PRKAG2: variants seen among roughly 807,000 people sequenced by gnomAD.
PRKAG2 encodes the protein protein kinase AMP-activated non-catalytic subunit gamma 2.
Under a neutral mutation model 69.6 loss-of-function variants are expected in PRKAG2, and 26 were observed. The observed-to-expected ratio is 0.37, with a 90% CI of 0.27 to 0.52. PRKAG2 has a LOEUF of 0.52. Among genes scored for constraint, PRKAG2 ranks in the 20% least tolerant of loss-of-function variants. The probability of loss-of-function intolerance (pLI) is 0.90; values close to 1 mark genes in which losing one functional copy is unlikely to be tolerated. For missense variants in PRKAG2, 557 were observed against 740.0 expected, an observed-to-expected ratio of 0.75 and a Z score of 2.87; for synonymous variants, 293 against 285.0, an observed-to-expected ratio of 1.03 and a Z score of -0.28.
At chr7:151,568,609 A>G in intron 11 of PRKAG2, 107 bp downstream of exon 11, 1 of 1,290,672 alleles carries the variant, frequency 7.7e-7, no homozygotes. Flanking sequence ...GGAGACCTCA[A>G]AACTAACAAT....
chr7:151,872,292 G>A (rs146179327), intron 1 of PRKAG2, among the ~76,000 whole-genome samples: 90 of 152,322 alleles, frequency 5.9e-4, no homozygotes, highest in African/African-American at 2.0e-3. Context: ...CCCTGGGGGG[G>A]GGCTTTTGCC....
At chr7:151,791,411 T>G (rs748936084) in intron 1 of PRKAG2, among the ~76,000 whole-genome samples, 5 of 152,214 alleles carry the variant, frequency 3.3e-5, no homozygotes, top group Non-Finnish European at 7.3e-5. Context: ...TCCCCACCAC[T>G]GGTCTCTACT....
intron 3 of PRKAG2, among the ~76,000 whole-genome samples, chr7:151,720,269 G>A (rs1796837156): frequency 6.6e-6 from 1 of 152,224 alleles, no homozygotes; most frequent in South Asian, 2.1e-4. Context: ...CAGACTTGCT[G>A]GTCTGGGACA....
At chr7:151,586,852 C>T (rs1811791098) in intron 6 of PRKAG2, among the ~76,000 whole-genome samples, 1 of 152,232 alleles carries the variant, frequency 6.6e-6, no homozygotes, top group South Asian at 2.1e-4. Context: ...CTGGGCAGCT[C>T]CCTCCTATTC....
chr7:151,706,620 T>G (rs1465878187), intron 3 of PRKAG2, among the ~76,000 whole-genome samples: 2 of 152,244 alleles, frequency 1.3e-5, no homozygotes, highest in South Asian at 4.2e-4. Context: ...GAAATGCAAA[T>G]GATGGTTTTT....
chr7:151,728,032 G>A (rs1472107311), intron 3 of PRKAG2, among the ~76,000 whole-genome samples: 4 of 152,260 alleles, frequency 2.6e-5, no homozygotes, highest in South Asian at 2.1e-4. Flanking sequence ...GCTCAGCTCC[G>A]GGGGCCCGTC....
At chr7:151,758,499 G>A (rs2151752150) in intron 3 of PRKAG2, among the ~76,000 whole-genome samples, 1 of 152,322 alleles carries the variant, frequency 6.6e-6, no homozygotes, top group Non-Finnish European at 1.5e-5. Flanking sequence ...TTCCATCTGA[G>A]GGAGGAGGGA....
intron 3 of PRKAG2, among the ~76,000 whole-genome samples, chr7:151,727,089 C>T (rs1409067002): frequency 6.6e-6 from 1 of 152,038 alleles, no homozygotes; most frequent in Non-Finnish European, 1.5e-5. Context: ...GTGGTATGCG[C>T]CTGTAATCCC....
chr7:151,847,671 A>T (rs2151892887), intron 1 of PRKAG2, among the ~76,000 whole-genome samples: 1 of 152,350 alleles, frequency 6.6e-6, no homozygotes, highest in Non-Finnish European at 1.5e-5. Flanking sequence ...GCGGCAAAGC[A>T]CCGACAAGCT....
chr7:151,614,404 CCAGAAGCCACA>C lies in PRKAG2; in HGVS notation c.754+17654_754+17664del, dbSNP rs942519967. ...CTGTACTACTTTATCCTGGAGGTGACCAGAAGCCACACAGGGGCTCACACAGGAGGCTGAAA... is the reference window on the plus strand; with the variant it reads ...CTGTACTACTTTATCCTGGAGGTGACCAGGGGCTCACACAGGAGGCTGAAA... On this transcript the variant is annotated intron_variant, in intron 5 of 15. Coordinates refer to ENST00000287878, the MANE Select transcript of PRKAG2 (RefSeq NM_016203.4). This position sits in a 1 kb window ranked among gnomAD's most constrained non-coding sequence, Gnocchi z 4.4. Among the ~76,000 whole-genome samples the C allele has an allele frequency of 5.9e-5, 9 of 152,124 alleles. No homozygotes were observed. The highest frequency in any genetic ancestry group is 1.3e-4 in the Non-Finnish European group (9 of 67,978).
At chr7:151,619,983 T>C (rs1053221326) in intron 5 of PRKAG2, among the ~76,000 whole-genome samples, 2 of 152,168 alleles carry the variant, frequency 1.3e-5, no homozygotes, top group African/African-American at 4.8e-5. Context: ...ATCGCGCCAC[T>C]GTACTCTAGC....
intron 3 of PRKAG2, among the ~76,000 whole-genome samples, chr7:151,758,463 A>G (rs1279333937): frequency 2.0e-5 from 3 of 152,202 alleles, no homozygotes; most frequent in Admixed American, 1.3e-4. Flanking sequence ...TATAATGTCT[A>G]TTTTAAATAT....
At chr7:151,585,490 C>A (rs1811439976) in intron 6 of PRKAG2, among the ~76,000 whole-genome samples, 1 of 152,166 alleles carries the variant, frequency 6.6e-6, no homozygotes, top group African/African-American at 2.4e-5. Context: ...CCAGCACATT[C>A]CCGAGCACGA....
intron 1 of PRKAG2, among the ~76,000 whole-genome samples, chr7:151,823,465 G>A (rs570520288): frequency 1.3e-5 from 2 of 149,046 alleles, no homozygotes; most frequent in South Asian, 4.6e-4. Flanking sequence ...ATTTGTGAGT[G>A]GTCACATGGG....
chr7:151,568,214 T>A (rs1013716949), intron 11 of PRKAG2, among the ~76,000 whole-genome samples: 1 of 152,242 alleles, frequency 6.6e-6, no homozygotes, highest in East Asian at 1.9e-4. Flanking sequence ...CAGGCCTTAT[T>A]TGGACCAACA....
intron 3 of PRKAG2, among the ~76,000 whole-genome samples, chr7:151,680,016 C>T (rs960842836): frequency 6.6e-6 from 1 of 152,176 alleles, no homozygotes; most frequent in Non-Finnish European, 1.5e-5. Flanking sequence ...TGCACCACTG[C>T]ACTCCAGCCT....
intron 3 of PRKAG2, among the ~76,000 whole-genome samples, chr7:151,775,330 T>A (rs1027059469): frequency 6.6e-6 from 1 of 152,060 alleles, no homozygotes; most frequent in African/African-American, 2.4e-5. Flanking sequence ...CGACAAGGCA[T>A]TTAGGACAGT....
At chr7:151,591,876 C>A (rs1165693791) in intron 6 of PRKAG2, among the ~76,000 whole-genome samples, 1 of 152,122 alleles carries the variant, frequency 6.6e-6, no homozygotes, top group Non-Finnish European at 1.5e-5. Context: ...ATGACTCTCC[C>A]GCTGGGAAAC....
chr7:151,842,268 GTA>G (rs2151887608), intron 1 of PRKAG2, among the ~76,000 whole-genome samples: 1 of 95,192 alleles, frequency 1.1e-5, no homozygotes, highest in Non-Finnish European at 2.2e-5. Context: ...GTGATGGTAG[GTA>G]GTGATGATGG....
Sources: gnomAD v4.1 joint callset for allele counts (sites outside exome capture counted in the v4.1 genomes callset) on GRCh38, gnomAD v4.1.1 for gene constraint, Gnocchi (gnomAD v3.1) non-coding constraint, MANE v1.5 for transcripts, NCBI Gene and HGNC (gene_info 2026-07-23, HGNC 2026-07-21) for gene names.